Variants in PDS5B observed in about 807,000 individuals in gnomAD.
PDS5B encodes the protein PDS5 cohesin associated factor B, also known as sister chromatid cohesion protein PDS5 homolog B.
Under a neutral mutation model 184.1 loss-of-function variants are expected in PDS5B, and 51 were observed. The observed-to-expected ratio is 0.28, with a 90% CI of 0.22 to 0.35. The LOEUF (loss-of-function observed/expected upper bound fraction) is 0.35, where lower values mean the gene tolerates loss of function less well. Among genes scored for constraint, PDS5B ranks in the 10% least tolerant of loss-of-function variants. The pLI is 1.00. For missense variants in PDS5B, 1,180 were observed against 1,723.3 expected (o/e 0.68, Z 5.58); for synonymous variants, 566 against 569.2 (o/e 0.99, Z 0.08).
In PDS5B at chr13:32,737,816, T is replaced by G. The variant is rs149100300; in HGVS notation, c.2406+2486T>G. The stretch of plus-strand genomic sequence containing the variant: ...TGAACACCTATGAACTCTTAGTTCC[T>G]TAGAGTTCTTAGAGTTTTATTACTC... On this transcript the variant is annotated intron_variant, in intron 21 of 34. Coordinates refer to ENST00000315596, the MANE Select transcript of PDS5B (RefSeq NM_015032.4). Among the ~76,000 whole-genome samples the G allele has an allele frequency of 1.6e-4, 25 of 152,326 alleles. No homozygotes were observed. In the East Asian group the frequency reaches 4.4e-3, roughly 27 times the overall value.
chr13:32,644,469 G>T (rs1453946481), intron 1 of PDS5B, among the ~76,000 whole-genome samples: 1 of 151,984 alleles, frequency 6.6e-6, no homozygotes, highest in Non-Finnish European at 1.5e-5. Context: ...AAGTTTTTAT[G>T]TATGTAAACA....
chr13:32,654,242 A>G (rs1245820953), intron 3 of PDS5B, among the ~76,000 whole-genome samples: 1 of 152,144 alleles, frequency 6.6e-6, no homozygotes, highest in East Asian at 1.9e-4. Context: ...CTGTATGTCT[A>G]TATATTTTGT....
Position 32,688,582 on chromosome 13 carries a change from T to C in PDS5B, c.1469+13T>C. ...TAAATGCTGTGAAGTATGTTTCAAA[T>C]ATCAAATTCTGTTCTTTTCATCCTT... On this transcript the variant is annotated intron_variant, in intron 13 of 34. Transcript: ENST00000315596. 1 of 1,390,074 alleles carries C rather than the reference T, an allele frequency of 7.2e-7. No homozygotes were observed. Among genetic ancestry groups the C allele is most frequent in the Non-Finnish European group, 1.0e-6 (1 of 975,934 alleles). 86.1% of individuals were successfully genotyped at this position (1,390,074 alleles called of 1,614,324 possible).
chr13:32,741,697 G>GTC (rs1256202689), intron 22 of PDS5B, among the ~76,000 whole-genome samples: 180 of 103,028 alleles, frequency 1.7e-3, no homozygotes, highest in Admixed American at 0.011. Flanking sequence ...AACCCTTTCA[G>GTC]TCTGTGTGTG....
At chr13:32,669,098 A>G (rs577591796) in intron 7 of PDS5B, among the ~76,000 whole-genome samples, 21 of 152,132 alleles carry the variant, frequency 1.4e-4, no homozygotes, top group African/African-American at 4.6e-4. Context: ...GGTTGGATTG[A>G]GTTTTTTCAT....
rs373659380 is a variant in PDS5B at position 32,607,843 on chromosome 13, T to C, written c.-20+21250T>C. ...CTAGCAGTGAGTGAGGCTCCGTGGG[T>C]GTGGGACCCGCTGAGCCAGGTGCGG... On this transcript the variant is annotated intron_variant, in intron 1 of 34. Transcript: ENST00000315596. 2.6e-5 allele frequency among the ~76,000 whole-genome samples: 4 copies of C among 152,282 alleles called. No homozygotes were observed. In the East Asian group the frequency reaches 5.8e-4, roughly 22 times the overall value.
At chr13:32,702,093 T>G (rs1236093529) in intron 17 of PDS5B, among the ~76,000 whole-genome samples, 1 of 152,144 alleles carries the variant, frequency 6.6e-6, no homozygotes, top group Non-Finnish European at 1.5e-5. Flanking sequence ...GCATACTGAC[T>G]TACTAGTTAG....
chr13:32,770,759 T>A lies in PDS5B; in HGVS notation c.4170T>A (p.Asn1390Lys). ...KTPSPSQPKKNVRVGRSKQAA... is the reference protein window; with the variant it reads ...KTPSPSQPKKKVRVGRSKQAA... ...CATCACCATCACAACCAAAAAAAAATGTGTAAGTTGTAAATATTACATTTC... is the reference window on the plus strand; with the variant it reads ...CATCACCATCACAACCAAAAAAAAAAGTGTAAGTTGTAAATATTACATTTC... The change falls in exon 33 of 35, where the codon AAT becomes AAA. Residue 1390 changes from asparagine to lysine, a missense_variant and splice_region_variant. This residue lies in a region of PDS5B where 465 missense variants were observed against 497.8 expected (regional missense o/e 0.93). Coordinates refer to ENST00000315596, the MANE Select transcript of PDS5B (RefSeq NM_015032.4). 6.3e-7 allele frequency: 1 copy of A among 1,585,590 alleles called. No individual in the cohort carries two copies. The highest frequency in any genetic ancestry group is 8.6e-7 in the Non-Finnish European group (1 of 1,162,160).
rs376473426 is a variant in PDS5B, at chr13:32,589,858, T to A, written c.-20+3265T>A. Among the ~76,000 whole-genome samples the A allele has an allele frequency of 6.8e-4, 103 of 152,326 alleles. 4 individuals are homozygous for A. The South Asian group carries it at 0.02, about 29-fold the overall frequency. The stretch of plus-strand genomic sequence containing the variant: ...CTTGGAGAGTAGAGGTAAGAAGCCC[T>A]TTCCTCACACTGTTCTGTTACAACC... On this transcript the variant is annotated intron_variant, in intron 1 of 34. Coordinates refer to ENST00000315596, the MANE Select transcript of PDS5B (RefSeq NM_015032.4).
At position 32,706,914 on chromosome 13, in the gene PDS5B, C is replaced by CT. The variant is rs757156986; in HGVS notation, c.1857-14dup. Reference sequence around the variant, plus strand: ...TTGCTAGTAACATTTGAAAAAATGACTTTTTTGGTCATATTTTAGTGCTCT... The same window carrying CT: ...TTGCTAGTAACATTTGAAAAAATGACTTTTTTTGGTCATATTTTAGTGCTCT... On this transcript the variant is annotated intron_variant, in intron 17 of 34. Transcript: ENST00000315596. 5.0e-5 allele frequency: 75 copies of CT among 1,512,328 alleles called. No individual in the cohort carries two copies. Among genetic ancestry groups the CT allele is most frequent in the Non-Finnish European group, 6.7e-5 (73 of 1,097,266 alleles). The allele number at this position is 1,512,328 out of a possible 1,614,324, so 93.7% of individuals were successfully genotyped here.
At chr13:32,650,182 G>T (rs978741184) in intron 2 of PDS5B, 8 of 152,092 alleles carry the variant, frequency 5.3e-5, no homozygotes, top group African/African-American at 1.7e-4. Flanking sequence ...ACAGTAGTGA[G>T]GAATTCCCAT....
intron 34 of PDS5B, 77 bp from the exon 35 acceptor site, chr13:32,774,939 AT>A: frequency 8.1e-7 from 1 of 1,234,094 alleles, no homozygotes; most frequent in Non-Finnish European, 1.2e-6. Context: ...GAGAATAAAG[AT>A]TAGTTAAAAA....
chr13:32,609,215 G>A (rs1038082680), intron 1 of PDS5B, among the ~76,000 whole-genome samples: 6 of 152,072 alleles, frequency 3.9e-5, no homozygotes, highest in Non-Finnish European at 5.9e-5. Context: ...CCCTTTATCC[G>A]TTGTTGGATT....
chr13:32,717,553 C>T (rs866682650), intron 19 of PDS5B, among the ~76,000 whole-genome samples: 1,872 of 135,482 alleles, frequency 0.014, 35 homozygotes, highest in African/African-American at 0.049. Flanking sequence ...ACAAACACTG[C>T]GGAAGGCCGC....
chr13:32,750,060 T>C (rs1435846175), intron 24 of PDS5B, among the ~76,000 whole-genome samples: 1 of 152,200 alleles, frequency 6.6e-6, no homozygotes, highest in South Asian at 2.1e-4. Flanking sequence ...TTATACTTAT[T>C]TATTCACATG....
intron 10 of PDS5B, among the ~76,000 whole-genome samples, chr13:32,682,173 TC>T (rs1951266007): frequency 6.6e-6 from 1 of 152,168 alleles, no homozygotes; most frequent in Non-Finnish European, 1.5e-5. Context: ...TTCTACAGTT[TC>T]CTTTTTTTTA....
At chr13:32,602,924 T>C (rs905424762) in intron 1 of PDS5B, among the ~76,000 whole-genome samples, 2 of 152,136 alleles carry the variant, frequency 1.3e-5, no homozygotes, top group African/African-American at 4.8e-5. Context: ...ATCCTTTGCC[T>C]ACTTTTTGAT....
intron 1 of PDS5B, among the ~76,000 whole-genome samples, chr13:32,596,936 CCTTAT>C (rs1478797570): frequency 1.3e-5 from 2 of 151,826 alleles, no homozygotes; most frequent in Admixed American, 6.6e-5. Flanking sequence ...TTGTAGCTTG[CCTTAT>C]CTTTTTTTTA....
intron 23 of PDS5B, among the ~76,000 whole-genome samples, chr13:32,744,364 T>C (rs1010400319): frequency 2.0e-5 from 3 of 152,146 alleles, no homozygotes; most frequent in Non-Finnish European, 4.4e-5. Flanking sequence ...AATAAGAATT[T>C]TTTCTGGTAG....
Sources: gnomAD v4.1 joint callset for allele counts (sites outside exome capture counted in the v4.1 genomes callset) on GRCh38, gnomAD v4.1.1 for gene constraint, gnomAD v4.1.1 regional missense constraint, MANE v1.5 for transcripts, NCBI Gene and HGNC (gene_info 2026-07-23, HGNC 2026-07-21) for gene names.